The following CYSLTR2 variants were observed in gnomAD, a reference collection of about 807,000 sequenced individuals.
CYSLTR2 encodes the protein cysteinyl leukotriene receptor 2.
For missense variants in CYSLTR2, 398 were observed against 411.9 expected (o/e 0.97, Z 0.29); for synonymous variants, 179 against 160.8 (o/e 1.11, Z -0.86).
chr13:48,672,968 C>G (rs929745387), intron 1 of CYSLTR2, among the ~76,000 whole-genome samples: 1 of 152,040 alleles, frequency 6.6e-6, no homozygotes, highest in Non-Finnish European at 1.5e-5. Flanking sequence ...TGGTCTGAGA[C>G]ACAGTTTGTT....
intron 1 of CYSLTR2, among the ~76,000 whole-genome samples, chr13:48,684,322 A>G (rs969916662): frequency 4.1e-4 from 62 of 151,942 alleles, no homozygotes; most frequent in African/African-American, 1.3e-3. Flanking sequence ...TCTCATTATG[A>G]ACATGTCAGA....
chr13:48,686,833 C>T (rs1953904486), intron 1 of CYSLTR2, among the ~76,000 whole-genome samples: 3 of 152,174 alleles, frequency 2.0e-5, no homozygotes, highest in African/African-American at 7.2e-5. Context: ...TACTTTCCAG[C>T]TGTAATAGTC....
In CYSLTR2 at chr13:48,707,098, G is replaced by T. The variant is rs1319359208; in HGVS notation, c.281G>T (p.Arg94Met). 1.2e-6 allele frequency: 2 copies of T among 1,614,142 alleles called. No homozygotes were observed. The highest frequency in any genetic ancestry group is 1.7e-5 in the Admixed American group (1 of 60,020). Residue 94 changes from arginine to methionine, a missense_variant, in exon 5 of 5, where the codon AGG becomes ATG. Arg to Met is a moderately conservative substitution (Grantham distance 91, BLOSUM62 -1). Transcript: ENST00000682523. ...DLLFISTLPFRADYYLRGSNW... is the reference protein window; with the variant it reads ...DLLFISTLPFMADYYLRGSNW... ...CTGTTCATAAGCACGCTTCCCTTCAGGGCTGACTATTATCTTAGAGGCTCC... is the reference window on the plus strand; with the variant it reads ...CTGTTCATAAGCACGCTTCCCTTCATGGCTGACTATTATCTTAGAGGCTCC...
rs1010222097 is a variant in CYSLTR2 at position 48,710,391 on chromosome 13, C to T, written c.*2533C>T. ...CACCCATGAGTCACTTAGTCATCAT[C>T]CAGTTGCTCAGATCAACTGTTGTGG... On this transcript the variant is annotated 3_prime_UTR_variant, in exon 5 of 5. Coordinates refer to ENST00000682523, the MANE Select transcript of CYSLTR2 (RefSeq NM_001308476.3). 4 of 152,134 alleles carry T rather than the reference C, an allele frequency of 2.6e-5. No individual in the cohort carries two copies. The highest frequency in any genetic ancestry group is 1.3e-4 in the Admixed American group (2 of 15,278). 9.4% of individuals were successfully genotyped at this position (152,134 alleles called of 1,614,324 possible).
rs61183001 is a variant in CYSLTR2, at chr13:48,709,668, C to A, written c.*1810C>A. On this transcript the variant is annotated 3_prime_UTR_variant, in exon 5 of 5. Transcript: ENST00000682523. ...GAACACAATACATTTGAGGGAAAGG[C>A]CGTAACATGAAAGGCACCAACAAAT... The A allele has an allele frequency of 0.1, 15,272 of 152,172 alleles. 1,365 individuals carry two copies. The highest frequency in any genetic ancestry group is 0.24 in the African/African-American group (9,987 of 41,488). 9.4% of individuals were successfully genotyped at this position (152,172 alleles called of 1,614,324 possible).
At chr13:48,654,052 G>A (rs1308130184) in intron 1 of CYSLTR2, 35 bp downstream of exon 1, 1 of 152,180 alleles carries the variant, frequency 6.6e-6, no homozygotes, top group Non-Finnish European at 1.5e-5. Context: ...TTAATTCAGT[G>A]TTGAGCATCA....
intron 4 of CYSLTR2, among the ~76,000 whole-genome samples, chr13:48,705,454 C>A (rs1345501777): frequency 6.6e-6 from 1 of 151,044 alleles, no homozygotes; most frequent in Non-Finnish European, 1.5e-5. Context: ...TATTTTTTTT[C>A]TGTTTTTATT....
At position 48,708,849 on chromosome 13, in the gene CYSLTR2, T is replaced by C. The variant is rs1006335980; in HGVS notation, c.*991T>C. ...GGAGATGCTGCCTTCCCTTTTGAGATAGTGTAGAAAAACACTAGATAGTGT... is the reference window on the plus strand; with the variant it reads ...GGAGATGCTGCCTTCCCTTTTGAGACAGTGTAGAAAAACACTAGATAGTGT... On this transcript the variant is annotated 3_prime_UTR_variant, in exon 5 of 5. Coordinates refer to ENST00000682523, the MANE Select transcript of CYSLTR2 (RefSeq NM_001308476.3). 1.2e-5 allele frequency: 2 copies of C among 167,060 alleles called. No homozygotes were observed. The highest frequency in any genetic ancestry group is 2.9e-5 in the Non-Finnish European group (2 of 68,126). The allele number at this position is 167,060 out of a possible 1,614,324, so 10.3% of individuals were successfully genotyped here.
chr13:48,657,395 G>GT (rs893082161), intron 1 of CYSLTR2, among the ~76,000 whole-genome samples: 49 of 151,776 alleles, frequency 3.2e-4, no homozygotes, highest in African/African-American at 1.0e-3. Context: ...CAGAGGCAGA[G>GT]TTTTTTTTGC....
At chr13:48,687,448 TC>T (rs1953923761) in intron 1 of CYSLTR2, among the ~76,000 whole-genome samples, 1 of 152,132 alleles carries the variant, frequency 6.6e-6, no homozygotes, top group South Asian at 2.1e-4. Context: ...TCGATTATCA[TC>T]TATCAATTAT....
At chr13:48,658,484 G>A (rs1953051290) in intron 1 of CYSLTR2, among the ~76,000 whole-genome samples, 1 of 152,178 alleles carries the variant, frequency 6.6e-6, no homozygotes, top group African/African-American at 2.4e-5. Context: ...CGCTGTGCTA[G>A]GGCCTGGGGT....
At chr13:48,670,394 G>A (rs1490790625) in intron 1 of CYSLTR2, among the ~76,000 whole-genome samples, 1 of 151,880 alleles carries the variant, frequency 6.6e-6, no homozygotes, top group East Asian at 1.9e-4. Flanking sequence ...TTTCCTTTAG[G>A]GTTTTTATGG....
At chr13:48,698,234 T>C (rs977139220) in intron 4 of CYSLTR2, among the ~76,000 whole-genome samples, 2 of 151,988 alleles carry the variant, frequency 1.3e-5, no homozygotes, top group Admixed American at 6.6e-5. Flanking sequence ...TTCACCAAAG[T>C]TGAAATGAAG....
At chr13:48,682,155 G>A (rs1420451707) in intron 1 of CYSLTR2, among the ~76,000 whole-genome samples, 1 of 152,094 alleles carries the variant, frequency 6.6e-6, no homozygotes, top group African/African-American at 2.4e-5. Flanking sequence ...CCCATCCAGA[G>A]CTGACACATA....
intron 1 of CYSLTR2, among the ~76,000 whole-genome samples, chr13:48,676,926 G>T (rs894194271): frequency 1.3e-5 from 2 of 152,172 alleles, no homozygotes; most frequent in Admixed American, 6.5e-5. Context: ...GCTGTCAAAA[G>T]GCATATCTGG....
chr13:48,701,551 A>G (rs749007620), intron 4 of CYSLTR2, among the ~76,000 whole-genome samples: 5 of 152,220 alleles, frequency 3.3e-5, no homozygotes, highest in Non-Finnish European at 7.3e-5. Context: ...CAAAGAACTT[A>G]AACAAATTTA....
At chr13:48,672,760 G>C (rs2138858415) in intron 1 of CYSLTR2, among the ~76,000 whole-genome samples, 1 of 151,960 alleles carries the variant, frequency 6.6e-6, no homozygotes, top group Non-Finnish European at 1.5e-5. Flanking sequence ...TGGGACTACA[G>C]ACGCCTGCCA....
intron 1 of CYSLTR2, among the ~76,000 whole-genome samples, chr13:48,666,176 A>G (rs983162546): frequency 6.6e-6 from 1 of 152,116 alleles, no homozygotes; most frequent in African/African-American, 2.4e-5. Context: ...TTGGTATAAT[A>G]TTCTTCATGG....
intron 2 of CYSLTR2, among the ~76,000 whole-genome samples, chr13:48,692,271 A>G (rs1161895015): frequency 1.3e-5 from 2 of 152,030 alleles, no homozygotes; most frequent in Admixed American, 1.3e-4. Context: ...AAATGATGTA[A>G]AAGTGTCAAA....
Sources: gnomAD v4.1 joint callset for allele counts (sites outside exome capture counted in the v4.1 genomes callset) on GRCh38, gnomAD v4.1.1 for gene constraint, MANE v1.5 for transcripts, NCBI Gene and HGNC (gene_info 2026-07-23, HGNC 2026-07-21) for gene names.